The following REDIC1 variants were observed in gnomAD, a reference collection of about 807,000 sequenced individuals.
The protein encoded by REDIC1 is regulator of DNA class I crossover intermediates 1, also known as HEI10 Interacting Protein 1.
chr12:39,705,986 A>G, the REDIC1 span, among the ~76,000 whole-genome samples: 1 of 151,860 alleles, frequency 6.6e-6, no homozygotes, highest in Non-Finnish European at 1.5e-5. Context: ...AGACAAGAGA[A>G]AGAAATAAAG....
the REDIC1 span, chr12:39,626,441 C>A: frequency 6.4e-7 from 1 of 1,567,072 alleles, no homozygotes; most frequent in Non-Finnish European, 8.7e-7. Context: ...GAGGTCACAG[C>A]CTTAGCTGGA....
At chr12:39,700,348 A>C in the REDIC1 span, among the ~76,000 whole-genome samples, 4 of 152,170 alleles carry the variant, frequency 2.6e-5, no homozygotes, top group African/African-American at 7.2e-5. Context: ...CAGCGATGGA[A>C]GATGAAATGA....
the REDIC1 span, among the ~76,000 whole-genome samples, chr12:39,881,637 C>T: frequency 4.6e-5 from 7 of 152,130 alleles, no homozygotes; most frequent in African/African-American, 9.7e-5. Flanking sequence ...TCATCTCAGC[C>T]GTCCCATACT....
chr12:39,729,540 C>A, the REDIC1 span, among the ~76,000 whole-genome samples: 104 of 152,226 alleles, frequency 6.8e-4, no homozygotes, highest in Middle Eastern at 0.01. Context: ...GTTATGATTT[C>A]CATTCTTTTG....
the REDIC1 span, chr12:39,864,886 A>C: frequency 6.3e-6 from 6 of 946,290 alleles, no homozygotes; most frequent in Non-Finnish European, 8.7e-6. Flanking sequence ...GTGGTACCTT[A>C]AAAAAAAAAA....
chr12:39,856,210 A>G, the REDIC1 span, among the ~76,000 whole-genome samples: 1 of 152,040 alleles, frequency 6.6e-6, no homozygotes, highest in Non-Finnish European at 1.5e-5. Flanking sequence ...TCTCTTATCA[A>G]TAGCAACCCT....
the REDIC1 span, among the ~76,000 whole-genome samples, chr12:39,793,652 G>A: frequency 3.3e-5 from 5 of 152,090 alleles, no homozygotes; most frequent in African/African-American, 4.8e-5. Context: ...TATATATTGC[G>A]TTAGGTAGAT....
the REDIC1 span, among the ~76,000 whole-genome samples, chr12:39,776,389 CTA>C: frequency 6.6e-6 from 1 of 152,228 alleles, no homozygotes; most frequent in Admixed American, 6.5e-5. Context: ...CTGGCCATAA[CTA>C]TGTGTGGCAT....
At chr12:39,736,202 G>C in the REDIC1 span, among the ~76,000 whole-genome samples, 1 of 152,222 alleles carries the variant, frequency 6.6e-6, no homozygotes, top group Non-Finnish European at 1.5e-5. Context: ...CCAATAGTGT[G>C]TGCATGGCTG....
the REDIC1 span, among the ~76,000 whole-genome samples, chr12:39,653,585 C>CTTCTTTCTTCTTCTTCATT: frequency 1.3e-5 from 1 of 75,198 alleles, no homozygotes; most frequent in Non-Finnish European, 2.7e-5. Flanking sequence ...TCTTCCTCTT[C>CTTCTTTCTTCTTCTTCATT]TTCTTCCTCT....
the REDIC1 span, among the ~76,000 whole-genome samples, chr12:39,786,735 G>C: frequency 1.3e-5 from 2 of 152,160 alleles, no homozygotes; most frequent in African/African-American, 4.8e-5. Context: ...GCCTTGGTGG[G>C]TGAATCATTC....
At chr12:39,758,034 T>C in the REDIC1 span, 18 of 151,876 alleles carry the variant, frequency 1.2e-4, no homozygotes, top group Admixed American at 1.3e-4. Context: ...GATAAGAAAT[T>C]TCTTATGAGA....
the REDIC1 span, among the ~76,000 whole-genome samples, chr12:39,870,107 C>T: frequency 3.3e-5 from 5 of 152,110 alleles, no homozygotes; most frequent in East Asian, 1.9e-4. Flanking sequence ...AATGAAGGAA[C>T]GAACACAGGT....
chr12:39,821,991 C>T, the REDIC1 span, among the ~76,000 whole-genome samples: 5 of 151,664 alleles, frequency 3.3e-5, no homozygotes, highest in Non-Finnish European at 5.9e-5. Context: ...CATATGTATA[C>T]ATGTGACATG....
the REDIC1 span, among the ~76,000 whole-genome samples, chr12:39,656,743 C>T: frequency 6.6e-6 from 1 of 152,092 alleles, no homozygotes; most frequent in Non-Finnish European, 1.5e-5. Flanking sequence ...ATTGATGATC[C>T]TGACCCTGTG....
At chr12:39,713,066 T>A in the REDIC1 span, among the ~76,000 whole-genome samples, 1 of 147,458 alleles carries the variant, frequency 6.8e-6, no homozygotes, top group Non-Finnish European at 1.5e-5. Flanking sequence ...TGTATATGTG[T>A]ATACACGTGC....
chr12:39,671,792 A>T, the REDIC1 span, among the ~76,000 whole-genome samples: 2 of 152,046 alleles, frequency 1.3e-5, no homozygotes, highest in African/African-American at 4.8e-5. Context: ...GAATGTGCAG[A>T]TGCCAGCTGT....
chr12:39,691,136 T>A, the REDIC1 span, among the ~76,000 whole-genome samples: 1 of 152,036 alleles, frequency 6.6e-6, no homozygotes, highest in Admixed American at 6.6e-5. Context: ...AGTGGAGGAT[T>A]GTGGGGAAGA....
chr12:39,886,417 C>CA, the REDIC1 span, among the ~76,000 whole-genome samples: 2 of 151,252 alleles, frequency 1.3e-5, no homozygotes, highest in Middle Eastern at 3.4e-3. Flanking sequence ...CAGCTGACAG[C>CA]AAAAAAAATC....
Sources: gnomAD v4.1 joint callset for allele counts (sites outside exome capture counted in the v4.1 genomes callset) on GRCh38, gnomAD v4.1.1 for gene constraint, MANE v1.5 for transcripts, NCBI Gene and HGNC (gene_info 2026-07-23, HGNC 2026-07-21) for gene names.